KIAA1328: variants seen among roughly 807,000 people sequenced by gnomAD.
KIAA1328 encodes protein hinderin.
A neutral mutation model predicts 68.1 loss-of-function variants in KIAA1328; 52 were observed. The observed-to-expected ratio is 0.76, with a 90% CI of 0.61 to 0.96. The LOEUF (loss-of-function observed/expected upper bound fraction) is 0.96. Among genes scored for constraint, KIAA1328 ranks in the 40% least tolerant of loss-of-function variants. The pLI, the probability that KIAA1328 is intolerant of heterozygous loss-of-function variation, is 0.00. For synonymous variants in KIAA1328, 232 were observed against 239.4 expected, an observed-to-expected ratio of 0.97 and a Z score of 0.28; for missense variants, 641 against 677.6, an observed-to-expected ratio of 0.95 and a Z score of 0.60.
chr18:37,187,163 CAA>C (rs796685868), intron 9 of KIAA1328, among the ~76,000 whole-genome samples: 1 of 139,856 alleles, frequency 7.2e-6, no homozygotes. Context: ...GACTCCATCT[CAA>C]AAAAAAAAAA....
At chr18:37,193,834 T>A in intron 9 of KIAA1328, 2 of 584,970 alleles carry the variant, frequency 3.4e-6, no homozygotes, top group Non-Finnish European at 3.0e-6. Flanking sequence ...CATCTCAGTC[T>A]CTCAACCAAG....
At position 37,224,168 on chromosome 18, in the gene KIAA1328, C is replaced by T; in HGVS notation, c.*1941C>T. The T allele has an allele frequency of 3.0e-6, 3 of 985,378 alleles. No individual in the cohort carries two copies. Among genetic ancestry groups the T allele is most frequent in the Non-Finnish European group, 3.6e-6 (3 of 829,924 alleles). 61.0% of individuals were successfully genotyped at this position (985,378 alleles called of 1,614,324 possible). ...TGACTAGCTTAAGTGTACTTGACTC[C>T]CATAGACTACTCCCATGCCCACAGT... is the stretch of plus-strand genomic sequence containing the variant. On this transcript the variant is annotated 3_prime_UTR_variant, in exon 10 of 10. Transcript: ENST00000280020.
intron 4 of KIAA1328, among the ~76,000 whole-genome samples, chr18:36,875,854 T>A (rs1033252282): frequency 2.0e-5 from 3 of 152,168 alleles, no homozygotes; most frequent in African/African-American, 7.2e-5. Context: ...CGGTACCTAG[T>A]GTATTGAGTG....
chr18:37,145,807 T>C lies in KIAA1328; in HGVS notation c.1233-14393T>C, dbSNP rs116461422. On this transcript the variant is annotated intron_variant, in intron 7 of 9. Coordinates refer to ENST00000280020, the MANE Select transcript of KIAA1328 (RefSeq NM_020776.3). ...TGTACTGTTTTCAGGGCCTATCTCT[T>C]TTCATCCTTTTATGTTAACCTATTT... Among the ~76,000 whole-genome samples, 1,435 of 152,310 alleles carry C rather than the reference T, an allele frequency of 9.4e-3. 23 individuals are homozygous for C. Among genetic ancestry groups the C allele is most frequent in the African/African-American group, 0.033 (1,388 of 41,572 alleles).
At chr18:36,904,312 T>C (rs933945411) in intron 5 of KIAA1328, among the ~76,000 whole-genome samples, 1 of 152,166 alleles carries the variant, frequency 6.6e-6, no homozygotes, top group African/African-American at 2.4e-5. Context: ...GTATCAGTTA[T>C]TGAGAAAGGG....
chr18:37,213,249 T>C (rs991284942), intron 9 of KIAA1328, among the ~76,000 whole-genome samples: 2 of 152,206 alleles, frequency 1.3e-5, no homozygotes, highest in African/African-American at 4.8e-5. Flanking sequence ...GCTGCACCCA[T>C]TAACTCGTCA....
intron 4 of KIAA1328, among the ~76,000 whole-genome samples, chr18:36,870,034 T>C (rs920494734): frequency 9.2e-5 from 14 of 152,228 alleles, no homozygotes; most frequent in African/African-American, 3.4e-4. Context: ...AGCTGATTTT[T>C]GTATTTTTTA....
intron 6 of KIAA1328, among the ~76,000 whole-genome samples, chr18:36,977,252 G>A (rs893633414): frequency 1.3e-5 from 2 of 152,138 alleles, no homozygotes; most frequent in Admixed American, 6.5e-5. Flanking sequence ...CATTGGCATC[G>A]TGAGGTAATC....
chr18:36,942,443 T>C (rs1012216648), intron 5 of KIAA1328, among the ~76,000 whole-genome samples: 22 of 152,208 alleles, frequency 1.4e-4, no homozygotes, highest in South Asian at 4.1e-4. Context: ...TGCAATTCAG[T>C]TCCACAGGCA....
At chr18:36,941,620 A>C (rs958580301) in intron 5 of KIAA1328, among the ~76,000 whole-genome samples, 2 of 152,180 alleles carry the variant, frequency 1.3e-5, no homozygotes, top group Non-Finnish European at 2.9e-5. Context: ...ACATGTATAT[A>C]AATATTAATT....
At position 37,224,658 on chromosome 18, in the gene KIAA1328, A is replaced by G. The variant is rs2060616666; in HGVS notation, c.*2431A>G. On this transcript the variant is annotated 3_prime_UTR_variant, in exon 10 of 10. Coordinates refer to ENST00000280020, the MANE Select transcript of KIAA1328 (RefSeq NM_020776.3). ...TTACAGAGCCTCAAAGCTGTTGCAGACTATCCCAAGAGAAAGGATCTGGCA... is the reference window on the plus strand; with the variant it reads ...TTACAGAGCCTCAAAGCTGTTGCAGGCTATCCCAAGAGAAAGGATCTGGCA... 3.0e-6 allele frequency: 3 copies of G among 985,332 alleles called. No individual in the cohort carries two copies. The highest frequency in any genetic ancestry group is 3.5e-5 in the African/African-American group (2 of 57,246). 61.0% of individuals were successfully genotyped at this position (985,332 alleles called of 1,614,324 possible).
At chr18:36,977,561 T>C (rs1003461063) in intron 6 of KIAA1328, among the ~76,000 whole-genome samples, 2 of 152,150 alleles carry the variant, frequency 1.3e-5, no homozygotes, top group Admixed American at 1.3e-4. Context: ...AGATAATTTG[T>C]CTGAGTACTC....
intron 7 of KIAA1328, among the ~76,000 whole-genome samples, chr18:37,146,525 T>A (rs111262358): frequency 4.7e-4 from 72 of 152,342 alleles, no homozygotes; most frequent in African/African-American, 1.7e-3. Context: ...CTATTTTGCA[T>A]AGTGCTGCAG....
intron 5 of KIAA1328, among the ~76,000 whole-genome samples, chr18:36,893,127 G>A (rs976051529): frequency 3.3e-5 from 5 of 152,016 alleles, no homozygotes; most frequent in Non-Finnish European, 7.4e-5. Flanking sequence ...TAGGGGTTAA[G>A]TTACTCTTTA....
At chr18:37,100,040 C>G (rs1229718503) in intron 7 of KIAA1328, among the ~76,000 whole-genome samples, 1 of 152,152 alleles carries the variant, frequency 6.6e-6, no homozygotes, top group East Asian at 1.9e-4. Flanking sequence ...ATTTGCCAGT[C>G]TGTGTCTTTT....
chr18:36,978,413 T>C (rs184407049), intron 6 of KIAA1328, among the ~76,000 whole-genome samples: 1 of 152,282 alleles, frequency 6.6e-6, no homozygotes, highest in Admixed American at 6.5e-5. Flanking sequence ...CAGTTACGAA[T>C]TGGTGGAAAC....
chr18:37,162,480 G>A (rs1220357531), intron 8 of KIAA1328, among the ~76,000 whole-genome samples: 1 of 152,062 alleles, frequency 6.6e-6, no homozygotes, highest in Non-Finnish European at 1.5e-5. Context: ...GAGCCATTCT[G>A]CCCATTGCAC....
At chr18:37,052,310 C>T (rs1171696557) in intron 6 of KIAA1328, among the ~76,000 whole-genome samples, 1 of 151,804 alleles carries the variant, frequency 6.6e-6, no homozygotes, top group Non-Finnish European at 1.5e-5. Context: ...TGATAAAAAC[C>T]CTCAACAAAC....
At chr18:37,141,115 A>G (rs1599404880) in intron 7 of KIAA1328, among the ~76,000 whole-genome samples, 1 of 152,182 alleles carries the variant, frequency 6.6e-6, no homozygotes, top group Admixed American at 6.5e-5. Flanking sequence ...TATAACTTGC[A>G]TTCAGTGAAA....
Sources: gnomAD v4.1 joint callset for allele counts (sites outside exome capture counted in the v4.1 genomes callset) on GRCh38, gnomAD v4.1.1 for gene constraint, MANE v1.5 for transcripts, NCBI Gene and HGNC (gene_info 2026-07-23, HGNC 2026-07-21) for gene names.